The following ASPM variants were observed in gnomAD, a reference collection of about 807,000 sequenced individuals.
ASPM encodes abnormal spindle-like microcephaly-associated protein.
A neutral mutation model predicts 366.4 loss-of-function variants in ASPM; 256 were observed. That is an observed-to-expected ratio of 0.70 (90% CI 0.63 to 0.77). The LOEUF is 0.77. Ranked by LOEUF, ASPM falls within the 30% of genes least tolerant of loss-of-function variation. ASPM has a pLI of 0.00. For synonymous variants in ASPM, 1,414 were observed against 1,342.9 expected (o/e 1.05, Z -1.16); for missense variants, 4,146 against 4,090.4 (o/e 1.01, Z -0.37).
intron 3 of ASPM, among the ~76,000 whole-genome samples, chr1:197,141,112 C>T (rs759388174): frequency 3.9e-5 from 6 of 151,950 alleles, no homozygotes; most frequent in Non-Finnish European, 8.8e-5. Flanking sequence ...ACATCCATTC[C>T]CCATGCAAAA....
At position 197,092,202 on chromosome 1, in the gene ASPM, T is replaced by C. The variant is rs1656807362; in HGVS notation, c.9295-146A>G. ...ATCATTACAATTACTTATATTGTAA[T>C]TCAAAGTAATTACAATATTGTACTA... On this transcript the variant is annotated intron_variant, in intron 21 of 27. Coordinates refer to ENST00000367409, the MANE Select transcript of ASPM (RefSeq NM_018136.5). 1.9e-5 allele frequency: 15 copies of C among 797,312 alleles called. 1 individual carries two copies. The South Asian group carries it at 2.5e-4, about 13-fold the overall frequency. The allele number at this position is 797,312 out of a possible 1,614,324, so 49.4% of individuals were successfully genotyped here. A position where few individuals can be genotyped will look rare whatever the true frequency, so the allele number is the denominator to read the frequency against.
At chr1:197,084,545 C>G (rs1242852321) in intron 27 of ASPM, 119 bp from the exon 28 acceptor site, 1 of 705,758 alleles carries the variant, frequency 1.4e-6, no homozygotes, top group Non-Finnish European at 2.5e-6. Context: ...CCCTTACAAA[C>G]TGCTCAAAGA....
chr1:197,100,384 C>T, intron 18 of ASPM, 47 bp downstream of exon 18: 2 of 1,258,454 alleles, frequency 1.6e-6, no homozygotes, highest in South Asian at 3.1e-5. Flanking sequence ...AAATATTGGT[C>T]AAAAGAAAGA....
At chr1:197,097,371 T>G (rs1263520788) in intron 18 of ASPM, among the ~76,000 whole-genome samples, 1 of 151,750 alleles carries the variant, frequency 6.6e-6, no homozygotes, top group African/African-American at 2.4e-5. Flanking sequence ...AAAGGTAGCT[T>G]GACTCTTTGT....
chr1:197,105,222 C>A (rs1657374620), intron 17 of ASPM, 37 bp from the exon 18 acceptor site: 3 of 1,479,038 alleles, frequency 2.0e-6, no homozygotes, highest in Middle Eastern at 1.7e-4. Flanking sequence ...GTAAAATAGG[C>A]ATAGCTTTCT....
chr1:197,128,533 C>T lies in ASPM; in HGVS notation c.2893G>A (p.Val965Ile), dbSNP rs778251863. The change falls in exon 10 of 28, where the codon GTT becomes ATT. Residue 965 changes from valine (V) to isoleucine (I), a missense_variant. Around this residue, in one of 3 missense-constraint regions of ASPM, gnomAD observed 3,624 missense variants for 3,591.7 expected, o/e 1.01. Transcript: ENST00000367409. Reference protein sequence around the residue: ...QTPFDEFDFAVTNLAVDLQCG... With the variant: ...QTPFDEFDFAITNLAVDLQCG... ...TGCAAGTCTACGGCAAGATTTGTAA[C>T]GGCAAAATCAAATTCATCAAATGGT... is the stretch of plus-strand genomic sequence containing the variant. The T allele has an allele frequency of 2.4e-5, 39 of 1,613,642 alleles. 1 individual carries two copies. The Admixed American group carries it at 2.8e-4, about 12-fold the overall frequency.
At chr1:197,086,553 AGCCTT>A (rs1656594236) in intron 27 of ASPM, among the ~76,000 whole-genome samples, 4 of 152,352 alleles carry the variant, frequency 2.6e-5, no homozygotes, top group Non-Finnish European at 4.4e-5. Context: ...CAAGCTTCTT[AGCCTT>A]AGCTCTTAAC....
chr1:197,087,073 C>CT (rs898238116), intron 26 of ASPM, 101 bp from the exon 27 acceptor site: 9,119 of 1,018,432 alleles, frequency 9.0e-3, no homozygotes, highest in Non-Finnish European at 9.7e-3. Flanking sequence ...TGCAGTAAAC[C>CT]TTTTTTTTTT....
intron 25 of ASPM, 80 bp downstream of exon 25, chr1:197,089,850 G>T: frequency 7.4e-7 from 1 of 1,355,448 alleles, no homozygotes; most frequent in South Asian, 1.2e-5. Context: ...TTAAGCCCTA[G>T]TGATGAGTAA....
At chr1:197,099,580 T>C (rs889379696) in intron 18 of ASPM, among the ~76,000 whole-genome samples, 1 of 151,728 alleles carries the variant, frequency 6.6e-6, no homozygotes, top group Non-Finnish European at 1.5e-5. Context: ...ACACTTCTCA[T>C]GTTGTATTAT....
rs185822515 is a variant in ASPM, at chr1:197,116,900, T to G, written c.4065+889A>C. 3.5e-4 allele frequency among the ~76,000 whole-genome samples: 53 copies of G among 152,264 alleles called. 1 individual carries two copies. Among genetic ancestry groups the G allele is most frequent in the Admixed American group, 3.3e-3 (51 of 15,286 alleles). ...GAAAACACTTAGGAAAATGGCATGATTAGCATAATGGTTAGCTTGAGCTGG... is the reference window on the plus strand; with the variant it reads ...GAAAACACTTAGGAAAATGGCATGAGTAGCATAATGGTTAGCTTGAGCTGG... On this transcript the variant is annotated intron_variant, in intron 17 of 27. Transcript: ENST00000367409.
At chr1:197,112,049 GA>G (rs1657601557) in intron 17 of ASPM, among the ~76,000 whole-genome samples, 1 of 151,864 alleles carries the variant, frequency 6.6e-6, no homozygotes, top group Non-Finnish European at 1.5e-5. Context: ...CAATCATAAA[GA>G]AGCATGCGTG....
chr1:197,139,251 C>T, intron 4 of ASPM: 1 of 934,362 alleles, frequency 1.1e-6, no homozygotes, highest in Non-Finnish European at 1.7e-6. Context: ...TCTGACCATC[C>T]TTTTACCAAC....
rs142537154 is a variant in ASPM at position 197,125,160 on chromosome 1, C to T, written c.2968G>A (p.Asp990Asn). 3.5e-4 allele frequency: 567 copies of T among 1,613,968 alleles called. No homozygotes were observed. Among genetic ancestry groups the T allele is most frequent in the Middle Eastern group, 6.6e-4 (4 of 6,060 alleles). Residue 990 changes from aspartate to asparagine, a missense_variant, in exon 11 of 28, where the codon GAC (aspartate) becomes AAC (asparagine). Physicochemically the swap from Asp to Asn is conservative, Grantham distance 23. This residue lies in a region of ASPM where 3,624 missense variants were observed against 3,591.7 expected (regional missense o/e 1.01). Coordinates refer to ENST00000367409, the MANE Select transcript of ASPM (RefSeq NM_018136.5). ...GGAATCCTGAGTTTCTTTGAGAGGT[C>T]CCAGTTCTGTGTGAGAAGTTCCATG... The part of the protein sequence containing the change: ...RTMELLTQNW[D>N]LSKKLRIPAI...
At chr1:197,120,766 T>C (rs1657884872) in intron 16 of ASPM, among the ~76,000 whole-genome samples, 1 of 152,046 alleles carries the variant, frequency 6.6e-6, no homozygotes, top group South Asian at 2.1e-4. Flanking sequence ...AGGAAGTTAT[T>C]CTCCAAGTGA....
intron 17 of ASPM, among the ~76,000 whole-genome samples, chr1:197,106,861 G>A (rs1280506282): frequency 6.6e-6 from 1 of 151,998 alleles, no homozygotes; most frequent in East Asian, 1.9e-4. Context: ...ATTGATCTTA[G>A]GATCTACATT....
At chr1:197,085,303 T>C (rs1656553481) in intron 27 of ASPM, among the ~76,000 whole-genome samples, 1 of 152,150 alleles carries the variant, frequency 6.6e-6, no homozygotes, top group Admixed American at 6.6e-5. Context: ...ATGCTCCCTT[T>C]CTCTCCAAGA....
At chr1:197,108,674 T>TA (rs1183141741) in intron 17 of ASPM, among the ~76,000 whole-genome samples, 1 of 151,896 alleles carries the variant, frequency 6.6e-6, no homozygotes, top group African/African-American at 2.4e-5. Context: ...TATACAAATT[T>TA]AAAAAACAGA....
Position 197,090,074 on chromosome 1 carries a change from AG to A in ASPM, c.9839del (p.Thr3280IlefsTer23). ...LEALKHLEVV[T>X]RLSPLCCENM... is the part of the protein sequence containing the mutation. Reference sequence around the variant, plus strand: ...TCTCACAACAAAGTGGAGACAATCTAGTAACTACCTCTGAAAGAAAAAAAAA... The same window carrying A: ...TCTCACAACAAAGTGGAGACAATCTATAACTACCTCTGAAAGAAAAAAAAA... On this transcript the variant is annotated frameshift_variant, in exon 25 of 28. Coordinates refer to ENST00000367409, the MANE Select transcript of ASPM (RefSeq NM_018136.5). LOFTEE classifies it high-confidence loss of function. 1 of 1,613,430 alleles carries A rather than the reference AG, an allele frequency of 6.2e-7. No individual in the cohort carries two copies. The highest frequency in any genetic ancestry group is 8.5e-7 in the Non-Finnish European group (1 of 1,179,586).
Sources: gnomAD v4.1 joint callset for allele counts (sites outside exome capture counted in the v4.1 genomes callset) on GRCh38, gnomAD v4.1.1 for gene constraint, gnomAD v4.1.1 regional missense constraint, MANE v1.5 for transcripts, NCBI Gene and HGNC (gene_info 2026-07-23, HGNC 2026-07-21) for gene names.